SH2B2: variants seen among roughly 807,000 people sequenced by gnomAD.
SH2B2 encodes the protein SH2B adaptor protein 2, also known as SH2B adapter protein 2.
SH2B2 carries 37 observed loss-of-function variants against 35.7 expected under a neutral mutation model. That is an observed-to-expected ratio of 1.04 (90% CI 0.80 to 1.36). SH2B2 has a LOEUF of 1.36. SH2B2 is among the 40% of genes most tolerant of loss of function. The pLI is 0.00. For missense variants in SH2B2, 852 were observed against 817.7 expected (o/e 1.04, Z -0.51); for synonymous variants, 383 against 376.4 (o/e 1.02, Z -0.20).
intron 8 of SH2B2, among the ~76,000 whole-genome samples, chr7:102,320,876 G>A (rs1167144988): frequency 6.6e-6 from 1 of 152,136 alleles, no homozygotes; most frequent in African/African-American, 2.4e-5. Context: ...TGCTGGGACC[G>A]AGCACTAAGG....
At chr7:102,317,141 C>T (rs1280982895) in intron 6 of SH2B2, 46 bp from the exon 7 acceptor site, 60 of 1,461,328 alleles carry the variant, frequency 4.1e-5, no homozygotes, top group Non-Finnish European at 5.4e-5. Flanking sequence ...ATTTGTCCCC[C>T]TTTCTCCTTC....
chr7:102,317,413 G>A lies in SH2B2; in HGVS notation c.1395+18G>A, dbSNP rs782071769. The A allele has an allele frequency of 7.5e-5, 115 of 1,543,588 alleles. No individual in the cohort carries two copies. The Middle Eastern group carries it at 1.1e-3, about 15-fold the overall frequency. ...AGGCCAAGGCAAGTGTGTGGGGGGC[G>A]CCATGGGGGTGCAGTGGCCAGCCCT... On this transcript the variant is annotated intron_variant, in intron 7 of 8. Transcript: ENST00000444095.
At chr7:102,309,178 C>T (rs1554555477) in intron 4 of SH2B2, 1 of 576,208 alleles carries the variant, frequency 1.7e-6, no homozygotes, top group East Asian at 3.9e-5. Flanking sequence ...CCAAGAGAGC[C>T]TCAGAGCACT....
At chr7:102,292,853 C>T (rs938027688) in intron 1 of SH2B2, among the ~76,000 whole-genome samples, 2 of 152,176 alleles carry the variant, frequency 1.3e-5, no homozygotes, top group African/African-American at 4.8e-5. Flanking sequence ...GAGGACGGAG[C>T]TAAGTGAGGG....
rs541971030 is a variant in SH2B2 at position 102,300,550 on chromosome 7, C to T, written c.-1C>T. 2.1e-5 allele frequency: 33 copies of T among 1,544,324 alleles called. No individual in the cohort carries two copies. The South Asian group carries it at 3.9e-4, about 18-fold the overall frequency. Reference sequence around the variant, plus strand: ...CAGGTGGCTGCGATGGGACGGAAGCCATGAATGGTGCCGGCCCTGGCCCCG... The same window carrying T: ...CAGGTGGCTGCGATGGGACGGAAGCTATGAATGGTGCCGGCCCTGGCCCCG... On this transcript the variant is annotated 5_prime_UTR_variant, in exon 2 of 9. Coordinates refer to ENST00000444095, the MANE Select transcript of SH2B2 (RefSeq NM_001359228.2).
In SH2B2 at chr7:102,320,507, G is replaced by C; in HGVS notation, c.1567+5G>C. The stretch of plus-strand genomic sequence containing the variant: ...GGGCCCAGGACCCCCCACCAGGTAA[G>C]ATGCCGCCACCTGGCTGGTGTGATT... On this transcript the variant is annotated splice_donor_5th_base_variant and intron_variant, in intron 8 of 8. Coordinates refer to ENST00000444095, the MANE Select transcript of SH2B2 (RefSeq NM_001359228.2). 6.2e-7 allele frequency: 1 copy of C among 1,609,724 alleles called. No individual in the cohort carries two copies. The highest frequency in any genetic ancestry group is 8.5e-7 in the Non-Finnish European group (1 of 1,178,648).
chr7:102,315,492 C>T (rs531830776), intron 6 of SH2B2, among the ~76,000 whole-genome samples: 100 of 152,058 alleles, frequency 6.6e-4, no homozygotes, highest in Non-Finnish European at 1.3e-3. Context: ...CCTCGCCTGG[C>T]TCATTTTTGT....
At chr7:102,305,455 G>A (rs1483295151) in intron 2 of SH2B2, among the ~76,000 whole-genome samples, 3 of 151,922 alleles carry the variant, frequency 2.0e-5, no homozygotes, top group African/African-American at 7.3e-5. Context: ...TAGTAGAGAT[G>A]GGGTTTCATC....
In SH2B2 at chr7:102,317,338, A is replaced by G. The variant is rs1793884689; in HGVS notation, c.1338A>G (p.Gln446=). 2.5e-6 allele frequency: 4 copies of G among 1,611,630 alleles called. No individual in the cohort carries two copies. The South Asian group carries it at 4.4e-5, about 18-fold the overall frequency. ...PRNHGLFVIR[Q]SETRPGEYVL... Reference sequence around the variant, plus strand: ...ACCACGGCCTCTTCGTGATCCGCCAAAGTGAGACTCGGCCTGGGGAGTACG... The same window carrying G: ...ACCACGGCCTCTTCGTGATCCGCCAGAGTGAGACTCGGCCTGGGGAGTACG... The change falls in exon 7 of 9, where the codon CAA becomes CAG. Residue 446 remains glutamine (Q), a synonymous_variant. Coordinates refer to ENST00000444095, the MANE Select transcript of SH2B2 (RefSeq NM_001359228.2).
intron 2 of SH2B2, among the ~76,000 whole-genome samples, chr7:102,302,926 A>C (rs1793246782): frequency 6.6e-6 from 1 of 152,090 alleles, no homozygotes; most frequent in Non-Finnish European, 1.5e-5. Context: ...TCAAAAAACC[A>C]AACCAAAACA....
At chr7:102,293,666 AG>A (rs1309379629) in intron 1 of SH2B2, among the ~76,000 whole-genome samples, 2 of 151,900 alleles carry the variant, frequency 1.3e-5, no homozygotes, top group African/African-American at 4.8e-5. Context: ...GCAGCCTGTG[AG>A]GGGGAGAGGC....
upstream of SH2B2, chr7:102,285,220 C>A (rs1792392814): frequency 1.3e-6 from 2 of 1,551,156 alleles, no homozygotes; most frequent in Non-Finnish European, 1.7e-6. Flanking sequence ...TGGCCGCTAT[C>A]ATCCCAGCAG....
chr7:102,290,058 G>T (rs888114187), intron 1 of SH2B2, among the ~76,000 whole-genome samples: 2 of 151,954 alleles, frequency 1.3e-5, no homozygotes, highest in African/African-American at 2.4e-5. Context: ...CGCACTTCCT[G>T]CAGAGCCCAG....
chr7:102,314,851 G>T (rs1793760056), intron 6 of SH2B2, among the ~76,000 whole-genome samples, 169 bp downstream of exon 6: 1 of 152,184 alleles, frequency 6.6e-6, no homozygotes, highest in Non-Finnish European at 1.5e-5. Flanking sequence ...TTGTAGACTG[G>T]TCTAGGAACC....
At chr7:102,308,420 T>C (rs1384551579) in intron 3 of SH2B2, among the ~76,000 whole-genome samples, 1 of 152,182 alleles carries the variant, frequency 6.6e-6, no homozygotes, top group Non-Finnish European at 1.5e-5. Context: ...CCCTACTCAG[T>C]GTGCTTGGCC....
chr7:102,292,093 G>C lies in SH2B2; in HGVS notation c.-30+4999G>C, dbSNP rs1792694897. Among the ~76,000 whole-genome samples, 3 of 152,152 alleles carry C rather than the reference G, an allele frequency of 2.0e-5. No homozygotes were observed. The South Asian group carries it at 6.2e-4, about 32-fold the overall frequency. On this transcript the variant is annotated intron_variant, in intron 1 of 8. Transcript: ENST00000444095. ...AAGGGCAGTGGACATGAGAAGGCAT[G>C]GCTGGGCAGGTTTTCTGAGGATGGT...
Position 102,300,792 on chromosome 7 carries a change from T to A in SH2B2, c.242T>A (p.Leu81Gln). ...TTCGGCGAGGAGGTGCGCCGCGTGCTGGTGGCTGGGCCGACGACTCGGGGC... is the reference window on the plus strand; with the variant it reads ...TTCGGCGAGGAGGTGCGCCGCGTGCAGGTGGCTGGGCCGACGACTCGGGGC... ...DVFGEEVRRV[L>Q]VAGPTTRGAA... The change falls in exon 2 of 9, where the codon CTG becomes CAG. Residue 81 changes from leucine (L) to glutamine (Q), a missense_variant. Physicochemically the swap from Leu to Gln is moderately radical, Grantham distance 113. This residue lies in a region of SH2B2 where 294 missense variants were observed against 286.6 expected (regional missense o/e 1.03). Coordinates refer to ENST00000444095, the MANE Select transcript of SH2B2 (RefSeq NM_001359228.2). 6.6e-7 allele frequency: 1 copy of A among 1,510,882 alleles called. No individual in the cohort carries two copies. Among genetic ancestry groups the A allele is most frequent in the Non-Finnish European group, 8.9e-7 (1 of 1,124,594 alleles). The allele number at this position is 1,510,882 out of a possible 1,614,324, so 93.6% of individuals were successfully genotyped here.
chr7:102,292,488 G>A (rs1204842929), intron 1 of SH2B2, among the ~76,000 whole-genome samples: 2 of 147,306 alleles, frequency 1.4e-5, no homozygotes, highest in Non-Finnish European at 3.0e-5. Context: ...CCAAGATCAC[G>A]CCATTGCACT....
intron 4 of SH2B2, among the ~76,000 whole-genome samples, chr7:102,311,318 A>G (rs373513449): frequency 6.6e-6 from 1 of 150,988 alleles, no homozygotes; most frequent in Non-Finnish European, 1.5e-5. Flanking sequence ...GTAATGGCAC[A>G]ATCTCAGCTC....
Sources: gnomAD v4.1 joint callset for allele counts (sites outside exome capture counted in the v4.1 genomes callset) on GRCh38, gnomAD v4.1.1 for gene constraint, gnomAD v4.1.1 regional missense constraint, MANE v1.5 for transcripts, NCBI Gene and HGNC (gene_info 2026-07-23, HGNC 2026-07-21) for gene names.